Variants in SLIT2 observed in about 807,000 individuals in gnomAD.
SLIT2 encodes the protein slit homolog 2 protein.
Under a neutral mutation model 185.7 loss-of-function variants are expected in SLIT2, and 41 were observed. That is an observed-to-expected ratio of 0.22 (90% CI 0.17 to 0.29). The LOEUF is 0.29. SLIT2 is among the 10% of genes least tolerant of loss of function. SLIT2 has a pLI of 1.00. For missense variants in SLIT2, 1,571 were observed against 1,909.0 expected, an observed-to-expected ratio of 0.82 and a Z score of 3.30; for synonymous variants, 693 against 680.2, an observed-to-expected ratio of 1.02 and a Z score of -0.29.
chr4:20,372,097 T>C (rs1014433805), intron 4 of SLIT2, among the ~76,000 whole-genome samples: 2 of 152,180 alleles, frequency 1.3e-5, no homozygotes, highest in African/African-American at 4.8e-5. Flanking sequence ...TTTTAGAGTT[T>C]AACATCTTAC....
intron 4 of SLIT2, among the ~76,000 whole-genome samples, chr4:20,430,024 G>A (rs73250392): frequency 6.6e-6 from 1 of 152,172 alleles, no homozygotes; most frequent in South Asian, 2.1e-4. Flanking sequence ...ACCAGGAAAA[G>A]TTTATATGAG....
intron 4 of SLIT2, among the ~76,000 whole-genome samples, chr4:20,333,352 T>C (rs1022443098): frequency 2.6e-5 from 4 of 152,204 alleles, no homozygotes; most frequent in African/African-American, 4.8e-5. Context: ...AATCTCAAGA[T>C]AGAATTCAAT....
At chr4:20,377,617 A>G (rs1313979010) in intron 4 of SLIT2, among the ~76,000 whole-genome samples, 1 of 152,104 alleles carries the variant, frequency 6.6e-6, no homozygotes, top group African/African-American at 2.4e-5. Flanking sequence ...GGGCTTCTAT[A>G]TCCTCCCACA....
chr4:20,489,582 C>T (rs973473456), intron 8 of SLIT2, among the ~76,000 whole-genome samples: 1 of 151,524 alleles, frequency 6.6e-6, no homozygotes, highest in Non-Finnish European at 1.5e-5. Flanking sequence ...TCAAGAGTTC[C>T]AGACCAGCCT....
intron 16 of SLIT2, among the ~76,000 whole-genome samples, chr4:20,531,426 A>G (rs781468178): frequency 2.0e-5 from 3 of 152,308 alleles, no homozygotes; most frequent in Non-Finnish European, 4.4e-5. Context: ...AAAATTAGTA[A>G]AAGCAAAAAG....
chr4:20,609,729 C>T (rs1729066484), intron 33 of SLIT2, among the ~76,000 whole-genome samples: 1 of 152,162 alleles, frequency 6.6e-6, no homozygotes, highest in Admixed American at 6.5e-5. Flanking sequence ...GAAATTGTTA[C>T]ATATTGAGAG....
chr4:20,420,631 T>G (rs1728103259), intron 4 of SLIT2, among the ~76,000 whole-genome samples: 2 of 142,226 alleles, frequency 1.4e-5, no homozygotes, highest in South Asian at 2.3e-4. Flanking sequence ...GAAAAAGAAG[T>G]GAAGGAAGGA....
At chr4:20,304,642 A>T (rs998391285) in intron 4 of SLIT2, among the ~76,000 whole-genome samples, 3 of 152,178 alleles carry the variant, frequency 2.0e-5, no homozygotes, top group African/African-American at 7.2e-5. Flanking sequence ...CCTTGCTGTT[A>T]GGAAGCCCGA....
At chr4:20,412,811 A>G (rs1172901537) in intron 4 of SLIT2, among the ~76,000 whole-genome samples, 1 of 152,106 alleles carries the variant, frequency 6.6e-6, no homozygotes, top group Non-Finnish European at 1.5e-5. Flanking sequence ...TCTTCAGCCC[A>G]TTAGCAATCA....
chr4:20,396,665 C>T (rs115791174), intron 4 of SLIT2, among the ~76,000 whole-genome samples: 1,609 of 151,336 alleles, frequency 0.011, 32 homozygotes, highest in African/African-American at 0.036. Context: ...CTCTTCATTG[C>T]GATACTCATA....
At chr4:20,539,041 C>T (rs1342014313) in intron 18 of SLIT2, among the ~76,000 whole-genome samples, 2 of 152,098 alleles carry the variant, frequency 1.3e-5, no homozygotes, top group East Asian at 1.9e-4. Context: ...TTCTTTTCTG[C>T]CTCCCTTCTG....
intron 4 of SLIT2, among the ~76,000 whole-genome samples, chr4:20,447,483 A>G (rs987073734): frequency 2.6e-5 from 4 of 152,246 alleles, no homozygotes; most frequent in African/African-American, 9.6e-5. Flanking sequence ...GGTTACACTT[A>G]TTCTAACATT....
chr4:20,466,679 G>A (rs1467742972), intron 4 of SLIT2, among the ~76,000 whole-genome samples: 1 of 152,100 alleles, frequency 6.6e-6, no homozygotes, highest in Non-Finnish European at 1.5e-5. Flanking sequence ...AGCAGCAGTG[G>A]GGGAGAGGAT....
intron 4 of SLIT2, among the ~76,000 whole-genome samples, chr4:20,456,369 C>A (rs2148722003): frequency 6.6e-6 from 1 of 152,226 alleles, no homozygotes; most frequent in African/African-American, 2.4e-5. Context: ...ATTGTGGTCT[C>A]CTTTTTAGAA....
At chr4:20,565,348 G>C (rs1725007509) in intron 26 of SLIT2, among the ~76,000 whole-genome samples, 1 of 151,900 alleles carries the variant, frequency 6.6e-6, no homozygotes, top group Non-Finnish European at 1.5e-5. Flanking sequence ...TTCTGAGTTA[G>C]GTTCTTTCCT....
At chr4:20,338,841 C>A (rs974044688) in intron 4 of SLIT2, among the ~76,000 whole-genome samples, 1 of 151,894 alleles carries the variant, frequency 6.6e-6, no homozygotes, top group Non-Finnish European at 1.5e-5. Context: ...GGAATCCCAC[C>A]ACTTTGGGAG....
Position 20,472,572 on chromosome 4 carries a change from A to ATCGATATATATC in SLIT2, c.467+4749_467+4750insTCGATATATATC, listed in dbSNP as rs1223064343. ...TATATATAGATATATATCTATATATAGATATATCTATATATAGATATATAT... is the reference window on the plus strand; with the variant it reads ...TATATATAGATATATATCTATATATATCGATATATATCGATATATCTATATATAGATATATAT... On this transcript the variant is annotated intron_variant, in intron 5 of 36. Coordinates refer to ENST00000504154, the MANE Select transcript of SLIT2 (RefSeq NM_004787.4). 2.6e-4 allele frequency among the ~76,000 whole-genome samples: 5 copies of ATCGATATATATC among 19,168 alleles called. 1 individual carries two copies. The highest frequency in any genetic ancestry group is 3.7e-4 in the Non-Finnish European group (5 of 13,428). The allele number at this position is 19,168 out of a possible 152,430, so 12.6% of individuals were successfully genotyped here. A position where few individuals can be genotyped will look rare whatever the true frequency, so the allele number is the denominator to read the frequency against.
chr4:20,530,958 A>C (rs1022406930), intron 16 of SLIT2, among the ~76,000 whole-genome samples: 2 of 151,516 alleles, frequency 1.3e-5, no homozygotes, highest in Non-Finnish European at 2.9e-5. Flanking sequence ...ACCCACTGGA[A>C]TGGCTAAAAA....
At chr4:20,509,511 C>G (rs1435910822) in intron 9 of SLIT2, among the ~76,000 whole-genome samples, 1 of 152,048 alleles carries the variant, frequency 6.6e-6, no homozygotes, top group East Asian at 1.9e-4. Flanking sequence ...CTTTCACCAC[C>G]CTCCCAGTGT....
Sources: allele counts gnomAD v4.1 joint callset (sites outside exome capture counted in the v4.1 genomes callset), GRCh38; gene constraint gnomAD v4.1.1; transcripts MANE v1.5; gene names NCBI Gene and HGNC (gene_info 2026-07-23, HGNC 2026-07-21).